The following INPP5B variants were observed in gnomAD, a reference collection of about 807,000 sequenced individuals.
INPP5B encodes the protein type II inositol 1,4,5-trisphosphate 5-phosphatase.
In INPP5B, 90 loss-of-function variants were observed where a neutral mutation model predicts 118.5. The ratio of observed to expected loss-of-function variants is 0.76; its 90% CI spans 0.64 to 0.90. The LOEUF (loss-of-function observed/expected upper bound fraction) is 0.90, where lower values mean the gene tolerates loss of function less well. Among genes scored for constraint, INPP5B ranks in the 40% least tolerant of loss-of-function variants. INPP5B has a pLI of 0.00. For missense variants in INPP5B, 984 were observed against 1,125.6 expected (o/e 0.87, Z 1.80); for synonymous variants, 385 against 418.9 (o/e 0.92, Z 0.99).
intron 7 of INPP5B, among the ~76,000 whole-genome samples, chr1:37,925,498 G>A (rs377234379): frequency 7.2e-5 from 11 of 152,224 alleles, no homozygotes; most frequent in African/African-American, 2.2e-4. Context: ...CTCAGCCTCC[G>A]AGTAGCTGGG....
intron 22 of INPP5B, 50 bp from the exon 23 acceptor site, chr1:37,864,473 C>G: frequency 9.3e-7 from 1 of 1,080,156 alleles, no homozygotes. Flanking sequence ...AATCATTTCT[C>G]AAGTGCCTAC....
chr1:37,943,220 G>A (rs1039892937), intron 5 of INPP5B, among the ~76,000 whole-genome samples: 4 of 151,982 alleles, frequency 2.6e-5, no homozygotes, highest in Admixed American at 6.6e-5. Flanking sequence ...GGCTGGTCTT[G>A]AACTCCTGAC....
In INPP5B at chr1:37,943,440, T is replaced by A. The variant is rs28416760; in HGVS notation, c.280+200A>T. Among the ~76,000 whole-genome samples the A allele has an allele frequency of 0.35, 53,345 of 151,822 alleles. 10,470 individuals are homozygous for A. The highest frequency in any genetic ancestry group is 0.55 in the African/African-American group (22,690 of 41,340). ...AGGGGCTCCGGGGTGAGAATGTGTG[T>A]TATCGGGGGAGACGGAAACAGCAGC... On this transcript the variant is annotated intron_variant, in intron 5 of 23. Transcript: ENST00000373024.
chr1:37,903,203 C>T (rs903788241), intron 7 of INPP5B, among the ~76,000 whole-genome samples: 4 of 152,070 alleles, frequency 2.6e-5, no homozygotes, highest in Non-Finnish European at 5.9e-5. Context: ...CGGCACAAGG[C>T]ACAGGTCATA....
chr1:37,939,667 T>G lies in INPP5B; in HGVS notation c.391+1021A>C, dbSNP rs528713273. ...ACCGTGTTAGCTAGGATGATCTCGA[T>G]CTCCTGACCTGGTGATCCACCCGCC... On this transcript the variant is annotated intron_variant, in intron 6 of 23. Coordinates refer to ENST00000373024, the MANE Select transcript of INPP5B (RefSeq NM_005540.3). 2.0e-5 allele frequency among the ~76,000 whole-genome samples: 3 copies of G among 150,972 alleles called. No individual in the cohort carries two copies. The South Asian group carries it at 6.3e-4, about 32-fold the overall frequency.
Position 37,931,742 on chromosome 1 carries a change from C to T in INPP5B, c.532+171G>A, listed in dbSNP as rs777363461. The T allele has an allele frequency of 5.6e-6, 9 of 1,595,302 alleles. No individual in the cohort carries two copies. In the South Asian group the frequency reaches 7.8e-5, roughly 14 times the overall value. ...CTGCCTGCTTCCTCAAGCTCCTCATCCCGCCGCCCGTCCCGCGCGCTCCGC... is the reference window on the plus strand; with the variant it reads ...CTGCCTGCTTCCTCAAGCTCCTCATTCCGCCGCCCGTCCCGCGCGCTCCGC... On this transcript the variant is annotated intron_variant, in intron 7 of 23. Coordinates refer to ENST00000373024, the MANE Select transcript of INPP5B (RefSeq NM_005540.3).
intron 4 of INPP5B, 36 bp from the exon 5 acceptor site, chr1:37,943,705 G>A: frequency 6.2e-7 from 1 of 1,613,756 alleles, no homozygotes; most frequent in Non-Finnish European, 8.5e-7. Context: ...CTTAGCAATT[G>A]AGCTTACTCC....
At chr1:37,870,020 G>A (rs547465228) in intron 19 of INPP5B, 8 of 151,730 alleles carry the variant, frequency 5.3e-5, no homozygotes, top group South Asian at 2.1e-4. Context: ...ATAACCTACC[G>A]ATGATGATTT....
At position 37,862,092 on chromosome 1, in the gene INPP5B, T is replaced by C. The variant is rs969462825; in HGVS notation, c.*223A>G. Reference sequence around the variant, plus strand: ...TGTGTTAAATAACTAAAGTTGAAAATTGAATGTCAGTTTTATTATGGTGGA... The same window carrying C: ...TGTGTTAAATAACTAAAGTTGAAAACTGAATGTCAGTTTTATTATGGTGGA... On this transcript the variant is annotated 3_prime_UTR_variant, in exon 24 of 24. Coordinates refer to ENST00000373024, the MANE Select transcript of INPP5B (RefSeq NM_005540.3). 4 of 455,116 alleles carry C rather than the reference T, an allele frequency of 8.8e-6. No individual in the cohort carries two copies. The highest frequency in any genetic ancestry group is 2.0e-5 in the African/African-American group (1 of 49,932). The allele number at this position is 455,116 out of a possible 1,614,324, so 28.2% of individuals were successfully genotyped here.
intron 7 of INPP5B, among the ~76,000 whole-genome samples, chr1:37,914,570 C>T (rs1008228764): frequency 2.0e-5 from 3 of 152,200 alleles, no homozygotes; most frequent in African/African-American, 4.8e-5. Flanking sequence ...CACTCCACCC[C>T]TGATCCTGGG....
chr1:37,920,491 C>A (rs1013199315), intron 7 of INPP5B, among the ~76,000 whole-genome samples: 1 of 151,610 alleles, frequency 6.6e-6, no homozygotes, highest in East Asian at 2.0e-4. Context: ...ATGGAGAAAC[C>A]CTGTCTCTAC....
chr1:37,936,699 G>C (rs963158198), intron 6 of INPP5B, among the ~76,000 whole-genome samples: 1 of 151,894 alleles, frequency 6.6e-6, no homozygotes, highest in African/African-American at 2.4e-5. Flanking sequence ...AAACACGCAA[G>C]GGCTCAGGCT....
At chr1:37,937,448 G>A (rs1037553051) in intron 6 of INPP5B, among the ~76,000 whole-genome samples, 3 of 151,740 alleles carry the variant, frequency 2.0e-5, no homozygotes, top group African/African-American at 7.3e-5. Context: ...CCTGGCCAAC[G>A]TGGTAAAACC....
At chr1:37,863,706 C>T (rs1391814389) in intron 23 of INPP5B, among the ~76,000 whole-genome samples, 1 of 151,608 alleles carries the variant, frequency 6.6e-6, no homozygotes, top group Non-Finnish European at 1.5e-5. Context: ...CACACACACA[C>T]ATGCACACAC....
chr1:37,900,765 A>G (rs183977891), intron 7 of INPP5B, among the ~76,000 whole-genome samples: 97 of 150,982 alleles, frequency 6.4e-4, no homozygotes, highest in African/African-American at 2.3e-3. Context: ...TGTAGCTGGG[A>G]CTACAGGTAG....
At chr1:37,945,340 C>T (rs115623045) in intron 3 of INPP5B, among the ~76,000 whole-genome samples, 9 of 151,812 alleles carry the variant, frequency 5.9e-5, no homozygotes, top group East Asian at 2.0e-4. Context: ...GGCTGAAGCA[C>T]GAGAATTGCT....
chr1:37,893,038 T>C (rs1347358577), intron 7 of INPP5B, among the ~76,000 whole-genome samples: 1 of 152,092 alleles, frequency 6.6e-6, no homozygotes, highest in Admixed American at 6.6e-5. Flanking sequence ...ATCTCTGCTT[T>C]TGTTTTGTGG....
chr1:37,940,671 C>T lies in INPP5B; in HGVS notation c.391+17G>A, dbSNP rs780374412. 6.1e-5 allele frequency: 94 copies of T among 1,541,480 alleles called. No homozygotes were observed. Among genetic ancestry groups the T allele is most frequent in the Non-Finnish European group, 8.2e-5 (91 of 1,114,224 alleles). Reference sequence around the variant, plus strand: ...CAGCAACCCACCCACCCCCAGGGAGCCTGGGGTCTTACCTACCTGGACAGG... The same window carrying T: ...CAGCAACCCACCCACCCCCAGGGAGTCTGGGGTCTTACCTACCTGGACAGG... On this transcript the variant is annotated intron_variant, in intron 6 of 23. Transcript: ENST00000373024.
intron 19 of INPP5B, 129 bp downstream of exon 19, chr1:37,872,801 G>T: frequency 1.5e-6 from 1 of 684,208 alleles, no homozygotes. Context: ...ATATACAGCT[G>T]ATACACTAAG....
Sources: gnomAD v4.1 joint callset for allele counts (sites outside exome capture counted in the v4.1 genomes callset) on GRCh38, gnomAD v4.1.1 for gene constraint, MANE v1.5 for transcripts, NCBI Gene and HGNC (gene_info 2026-07-23, HGNC 2026-07-21) for gene names.